The following AKT1S1 variants were observed in gnomAD, a reference collection of about 807,000 sequenced individuals.
The protein encoded by AKT1S1 is proline-rich AKT1 substrate 1.
Under a neutral mutation model 21.2 loss-of-function variants are expected in AKT1S1, and 17 were observed. The ratio of observed to expected loss-of-function variants is 0.80; its 90% confidence interval spans 0.55 to 1.20. The LOEUF (loss-of-function observed/expected upper bound fraction) is 1.20, where lower values mean the gene tolerates loss of function less well. AKT1S1 is among the 50% of genes most tolerant of loss of function. The pLI, the probability that AKT1S1 is intolerant of heterozygous loss-of-function variation, is 0.00. For missense variants in AKT1S1, 366 were observed against 368.3 expected (o/e 0.99, Z 0.05); for synonymous variants, 181 against 165.6 (o/e 1.09, Z -0.72).
At position 49,873,342 on chromosome 19, in the gene AKT1S1, G is replaced by A. The variant is rs564595628; in HGVS notation, c.-7-40C>T. ...AGGACAGAGGGGGCTGAGGCTTGGC[G>A]GCCTACATCATCGCCACCCACTCAG... On this transcript the variant is annotated intron_variant, in intron 1 of 4. Coordinates refer to ENST00000344175, the MANE Select transcript of AKT1S1 (RefSeq NM_001098633.4). This position sits in a 1 kb window ranked among gnomAD's most constrained non-coding sequence, Gnocchi z 6.9. 267 of 1,404,666 alleles carry A rather than the reference G, an allele frequency of 1.9e-4. 1 individual carries two copies. The highest frequency in any genetic ancestry group is 1.9e-3 in the East Asian group (63 of 34,014). 87.0% of individuals were successfully genotyped at this position (1,404,666 alleles called of 1,614,324 possible).
rs1201606703 is a variant in AKT1S1 at position 49,873,844 on chromosome 19, T to C, written c.-7-542A>G. The C allele has an allele frequency of 2.0e-5, 3 of 151,996 alleles. No individual in the cohort carries two copies. The highest frequency in any genetic ancestry group is 7.3e-5 in the African/African-American group (3 of 41,158). The allele number at this position is 151,996 out of a possible 1,614,324, so 9.4% of individuals were successfully genotyped here. On this transcript the variant is annotated intron_variant, in intron 1 of 4. Coordinates refer to ENST00000344175, the MANE Select transcript of AKT1S1 (RefSeq NM_001098633.4). This position sits in a 1 kb window ranked among gnomAD's most constrained non-coding sequence, Gnocchi z 6.9. ...AAGGAATTTCATCTGCTTTTTTTAC[T>C]CTTTTAACATGGTGTCTAGAAAATT...
intron 1 of AKT1S1, chr19:49,876,151 T>C (rs966018946): frequency 3.0e-6 from 3 of 996,710 alleles, no homozygotes; most frequent in African/African-American, 3.5e-5. Context: ...GCGGTAGCCA[T>C]GGGGTGAGCG....
Position 49,873,118 on chromosome 19 carries a change from G to A in AKT1S1, c.178C>T (p.Arg60Cys), listed in dbSNP as rs372336886. ...GRGALAEAARRCLHDIALAHR... is the reference protein window; with the variant it reads ...GRGALAEAARCCLHDIALAHR... ...GCCAGTGCGATGTCGTGGAGGCAACGGCGCGCTGCCTCCGCCAGGGCTCCT... is the reference window on the plus strand; with the variant it reads ...GCCAGTGCGATGTCGTGGAGGCAACAGCGCGCTGCCTCCGCCAGGGCTCCT... Residue 60 changes from arginine to cysteine, a missense_variant, in exon 2 of 5, where the codon CGT becomes TGT. Transcript: ENST00000344175. This position sits in a 1 kb window ranked among gnomAD's most constrained non-coding sequence, Gnocchi z 6.9. The A allele has an allele frequency of 1.9e-5, 30 of 1,543,108 alleles. No individual in the cohort carries two copies. Among genetic ancestry groups the A allele is most frequent in the African/African-American group, 1.6e-4 (12 of 73,206 alleles).
chr19:49,873,228 C>A lies in AKT1S1; in HGVS notation c.68G>T (p.Arg23Leu). ...CAGCAGCACCAGCTCCGTGCCAGTC[C>A]GGGCCCGGAAGCGCTCAGCGGCCCC... ...VVGAAERFRARTGTELVLLTA... is the reference protein window; with the variant it reads ...VVGAAERFRALTGTELVLLTA... The change falls in exon 2 of 5, where the codon CGG (arginine) becomes CTG (leucine). Residue 23 changes from arginine to leucine, a missense_variant. Arg to Leu is a moderately radical substitution (Grantham distance 102). Transcript: ENST00000344175. The surrounding 1 kb of genome is among the most constrained non-coding windows in gnomAD (Gnocchi z 6.9). 6.5e-7 allele frequency: 1 copy of A among 1,536,674 alleles called. No individual in the cohort carries two copies. The highest frequency in any genetic ancestry group is 2.5e-5 in the East Asian group (1 of 39,916).
At chr19:49,877,496 TC>T (rs2074963307), upstream of AKT1S1, 4 of 529,808 alleles carry the variant, frequency 7.5e-6, no homozygotes, top group East Asian at 6.5e-5. Context: ...GCCTGCGCAC[TC>T]TCCGTAGCCG....
At chr19:49,876,704 A>G (rs1258080965) in intron 1 of AKT1S1, 1 of 1,435,480 alleles carries the variant, frequency 7.0e-7, no homozygotes, top group African/African-American at 1.5e-5. Flanking sequence ...TCCTCTCCGC[A>G]CACTCCGCCT....
In AKT1S1 at chr19:49,869,962, C is replaced by T. The variant is rs1204414204; in HGVS notation, c.726G>A (p.Pro242=). ...TCTGGAAGTCGCTGGTGTTAAGCCG[C>T]GGCCGTGGCAGGTCCCCGAAGACCT... ...DTQVFGDLPR[P]RLNTSDFQKL... The change falls in exon 5 of 5, where the codon CCG becomes CCA. Residue 242 remains proline, a synonymous_variant. Coordinates refer to ENST00000344175, the MANE Select transcript of AKT1S1 (RefSeq NM_001098633.4). The T allele has an allele frequency of 1.3e-6, 2 of 1,540,718 alleles. No homozygotes were observed. The highest frequency in any genetic ancestry group is 2.5e-5 in the East Asian group (1 of 39,638).
At chr19:49,876,296 T>A in intron 1 of AKT1S1, 1 of 1,187,952 alleles carries the variant, frequency 8.4e-7, no homozygotes, top group Non-Finnish European at 1.0e-6. Flanking sequence ...TTTGGACGGG[T>A]GAGGGGCGCC....
rs1263248682 is a variant in AKT1S1 at position 49,873,637 on chromosome 19, A to G, written c.-7-335T>C. The G allele has an allele frequency of 3.4e-6, 1 of 298,420 alleles. No homozygotes were observed. Among genetic ancestry groups the G allele is most frequent in the Non-Finnish European group, 6.2e-6 (1 of 161,964 alleles). 18.5% of individuals were successfully genotyped at this position (298,420 alleles called of 1,614,324 possible). A position where few individuals can be genotyped will look rare whatever the true frequency, so the allele number is the denominator to read the frequency against. On this transcript the variant is annotated intron_variant, in intron 1 of 4. Transcript: ENST00000344175. The surrounding 1 kb of genome is among the most constrained non-coding windows in gnomAD (Gnocchi z 6.9). ...GGAAAGGCAGGGAGTCCTAGCAGAGAGTCCTAGCAGAGAGGCCTCTAACAA... is the reference window on the plus strand; with the variant it reads ...GGAAAGGCAGGGAGTCCTAGCAGAGGGTCCTAGCAGAGAGGCCTCTAACAA...
At chr19:49,872,768 C>T in intron 2 of AKT1S1, 149 bp downstream of exon 2, 1 of 973,560 alleles carries the variant, frequency 1.0e-6, no homozygotes, top group South Asian at 1.6e-5. Flanking sequence ...GATCACACAG[C>T]AAGCCCCAGG....
At chr19:49,870,191 G>T in intron 4 of AKT1S1, 131 bp from the exon 5 acceptor site, 2 of 1,098,258 alleles carry the variant, frequency 1.8e-6, no homozygotes, top group South Asian at 2.4e-5. Context: ...TGTGCCCTGC[G>T]ATGCCCACTG....
chr19:49,877,994 C>T, upstream of AKT1S1: 2 of 761,342 alleles, frequency 2.6e-6, no homozygotes, highest in Non-Finnish European at 4.1e-6. Context: ...CGAACGCGGG[C>T]TGGACCATTC....
intron 4 of AKT1S1, 70 bp downstream of exon 4, chr19:49,871,477 G>A: frequency 1.3e-6 from 2 of 1,592,878 alleles, no homozygotes; most frequent in Middle Eastern, 1.7e-4. Context: ...CCATGCTGGA[G>A]GGCTTCCTGG....
chr19:49,878,209 C>T, upstream of AKT1S1: 1 of 1,565,020 alleles, frequency 6.4e-7, no homozygotes, highest in Non-Finnish European at 8.7e-7. Flanking sequence ...CCGAGACTCT[C>T]TCATCGCTGG....
At position 49,869,713 on chromosome 19, in the gene AKT1S1, GA is replaced by G; in HGVS notation, c.*203del. ...GGAGAGAGACGACAGACCCAATCGG[GA>G]AACGGGACAGATGCCGCTCCTCGGC... On this transcript the variant is annotated 3_prime_UTR_variant, in exon 5 of 5. Transcript: ENST00000344175. The G allele has an allele frequency of 1.9e-6, 1 of 523,986 alleles. No homozygotes were observed. Among genetic ancestry groups the G allele is most frequent in the Non-Finnish European group, 3.2e-6 (1 of 315,944 alleles). The allele number at this position is 523,986 out of a possible 1,614,324, so 32.5% of individuals were successfully genotyped here.
At chr19:49,876,856 C>A (rs1376003903) in intron 1 of AKT1S1, 1 of 519,298 alleles carries the variant, frequency 1.9e-6, no homozygotes, top group Non-Finnish European at 3.3e-6. Context: ...TAATGGCCGT[C>A]CTCATATGCT....
Position 49,870,031 on chromosome 19 carries a change from C to A in AKT1S1, c.657G>T (p.Ala219=), listed in dbSNP as rs2074866458. ...PPSSPDLDRI[A]ASMRALVLRE... ...GCAGCACCAGCGCGCGCATGCTCGC[C>A]GCGATGCGGTCCAGGTCGGGCGAAG... Residue 219 remains alanine, a synonymous_variant, in exon 5 of 5, where the codon GCG becomes GCT. Transcript: ENST00000344175. The A allele has an allele frequency of 6.4e-7, 1 of 1,553,190 alleles. No individual in the cohort carries two copies. The highest frequency in any genetic ancestry group is 1.2e-5 in the South Asian group (1 of 84,484).
At position 49,873,200 on chromosome 19, in the gene AKT1S1, G is replaced by T. The variant is rs557189743; in HGVS notation, c.96C>A (p.Thr32=). 1 of 1,530,798 alleles carries T rather than the reference G, an allele frequency of 6.5e-7. No homozygotes were observed. The highest frequency in any genetic ancestry group is 8.7e-7 in the Non-Finnish European group (1 of 1,146,646). 94.8% of individuals were successfully genotyped at this position (1,530,798 alleles called of 1,614,324 possible). A position where few individuals can be genotyped will look rare whatever the true frequency, so the allele number is the denominator to read the frequency against. ...ARTGTELVLL[T]AAPPPPPRPG... ...GGCGGGGTGGTGGCGGCGGGGCCGCGGTCAGCAGCACCAGCTCCGTGCCAG... is the reference window on the plus strand; with the variant it reads ...GGCGGGGTGGTGGCGGCGGGGCCGCTGTCAGCAGCACCAGCTCCGTGCCAG... The change falls in exon 2 of 5, where the codon ACC becomes ACA. Residue 32 remains threonine, a synonymous_variant. Coordinates refer to ENST00000344175, the MANE Select transcript of AKT1S1 (RefSeq NM_001098633.4). This position sits in a 1 kb window ranked among gnomAD's most constrained non-coding sequence, Gnocchi z 6.9.
At chr19:49,877,722 C>T, upstream of AKT1S1, 1 of 1,600,584 alleles carries the variant, frequency 6.2e-7, no homozygotes, top group Non-Finnish European at 8.5e-7. Flanking sequence ...TCGGCGGCGA[C>T]TATGGAAGGA....
Sources: gnomAD v4.1 joint callset for allele counts on GRCh38, gnomAD v4.1.1 for gene constraint, Gnocchi (gnomAD v3.1) non-coding constraint, MANE v1.5 for transcripts, NCBI Gene and HGNC (gene_info 2026-07-23, HGNC 2026-07-21) for gene names.